The following PARP4 variants were observed in gnomAD, a reference collection of about 807,000 sequenced individuals.
PARP4 encodes the protein poly(ADP-ribose) polymerase family member 4, also known as protein mono-ADP-ribosyltransferase PARP4.
A neutral mutation model predicts 187.7 loss-of-function variants in PARP4; 120 were observed. The observed-to-expected ratio is 0.64, with a 90% CI of 0.55 to 0.74. The LOEUF (loss-of-function observed/expected upper bound fraction) is 0.74, where lower values mean the gene tolerates loss of function less well. Among genes scored for constraint, PARP4 ranks in the 30% least tolerant of loss-of-function variants. The probability of loss-of-function intolerance (pLI) is 0.00; values close to 1 mark genes in which losing one functional copy is unlikely to be tolerated. For missense variants in PARP4, 1,836 were observed against 2,070.5 expected (o/e 0.89, Z 2.20); for synonymous variants, 654 against 740.9 (o/e 0.88, Z 1.90).
chr13:24,433,004 G>A (rs1328495777), intron 31 of PARP4, among the ~76,000 whole-genome samples: 59 of 152,154 alleles, frequency 3.9e-4, no homozygotes, highest in Non-Finnish European at 5.9e-5. Context: ...GTGGTACCAG[G>A]TGCTGTTCTT....
chr13:24,506,218 G>A (rs780196983), intron 1 of PARP4, among the ~76,000 whole-genome samples: 4 of 151,670 alleles, frequency 2.6e-5, no homozygotes, highest in African/African-American at 9.7e-5. Flanking sequence ...AGTTCTTTAA[G>A]GCGGCGCATC....
intron 28 of PARP4, among the ~76,000 whole-genome samples, chr13:24,443,269 G>A (rs889283545): frequency 9.3e-5 from 14 of 151,284 alleles, no homozygotes; most frequent in African/African-American, 3.4e-4. Context: ...GGTGGGCTTT[G>A]GCAGGTCACT....
intron 25 of PARP4, among the ~76,000 whole-genome samples, chr13:24,449,348 A>C (rs1871383727): frequency 7.0e-6 from 1 of 143,846 alleles, no homozygotes; most frequent in African/African-American, 2.6e-5. Context: ...AGATGGCGCC[A>C]CTGCACTCCA....
At chr13:24,505,792 C>G (rs79285527) in intron 1 of PARP4, among the ~76,000 whole-genome samples, 1 of 152,206 alleles carries the variant, frequency 6.6e-6, no homozygotes, top group South Asian at 2.1e-4. Context: ...ACAGGCTCCC[C>G]GCAAAGTAAG....
chr13:24,474,190 T>A (rs1306275763), intron 15 of PARP4, among the ~76,000 whole-genome samples: 1 of 152,194 alleles, frequency 6.6e-6, no homozygotes, highest in Non-Finnish European at 1.5e-5. Flanking sequence ...GTCTTTCTCT[T>A]GTGTCCCGTC....
rs35815244 is a variant in PARP4 at position 24,427,370 on chromosome 13, C to CTT, written c.4847-774_4847-773dup. Among the ~76,000 whole-genome samples the CTT allele has an allele frequency of 9.4e-3, 1,248 of 133,342 alleles. 22 individuals are homozygous for CTT. The highest frequency in any genetic ancestry group is 0.028 in the South Asian group (122 of 4,416). 87.5% of individuals were successfully genotyped at this position (133,342 alleles called of 152,430 possible). Reference sequence around the variant, plus strand: ...ATTTTCATTTTAAAAATCCAAGCTTCTTTTTTTTTTTTTTTTTGGAGAAGA... The same window carrying CTT: ...ATTTTCATTTTAAAAATCCAAGCTTCTTTTTTTTTTTTTTTTTTTGGAGAAGA... On this transcript the variant is annotated intron_variant, in intron 32 of 33. Transcript: ENST00000381989.
chr13:24,423,809 G>A (rs1869882234), intron 33 of PARP4, among the ~76,000 whole-genome samples: 1 of 151,926 alleles, frequency 6.6e-6, no homozygotes, highest in African/African-American at 2.4e-5. Flanking sequence ...TTCCTGAGTA[G>A]TCACACACTA....
rs1868840599 is a variant in PARP4 at position 24,494,608 on chromosome 13, C to T, written c.706G>A (p.Glu236Lys). ...TGTTCAGATGCTAATTGGGTTGCTTCAGGTGTGAAATGTTCTCTTAGTAGA... is the reference window on the plus strand; with the variant it reads ...TGTTCAGATGCTAATTGGGTTGCTTTAGGTGTGAAATGTTCTCTTAGTAGA... ...GFLLREHFTPEATQLASEQLQ... is the reference protein window; with the variant it reads ...GFLLREHFTPKATQLASEQLQ... The change falls in exon 7 of 34, where the codon GAA becomes AAA. Residue 236 changes from glutamate to lysine, a missense_variant. Coordinates refer to ENST00000381989, the MANE Select transcript of PARP4 (RefSeq NM_006437.4). The T allele has an allele frequency of 3.7e-6, 6 of 1,611,276 alleles. No individual in the cohort carries two copies. The South Asian group carries it at 4.4e-5, about 12-fold the overall frequency.
chr13:24,480,559 G>C (rs973973017), intron 12 of PARP4, among the ~76,000 whole-genome samples: 3 of 152,210 alleles, frequency 2.0e-5, no homozygotes, highest in Admixed American at 6.5e-5. Context: ...AATTAAAAGT[G>C]CTGCTCCAGT....
Position 24,435,427 on chromosome 13 carries a change from T to A in PARP4, c.3714A>T (p.Arg1238=). 1 of 1,610,440 alleles carries A rather than the reference T, an allele frequency of 6.2e-7. No individual in the cohort carries two copies. Among genetic ancestry groups the A allele is most frequent in the Non-Finnish European group, 8.5e-7 (1 of 1,179,384 alleles). Residue 1238 remains arginine (R), a synonymous_variant, in exon 31 of 34, where the codon CGA becomes CGT. Transcript: ENST00000381989. ...SEWPELRLSK[R]KHRKIPFSKR... is the part of the protein sequence containing the mutation. ...TGGAAAATGGAATTTTCCTATGTTT[T>A]CGTTTGGATAAACGTAATTCTGGCC...
chr13:24,492,361 A>G (rs1428243316), intron 9 of PARP4, 60 bp downstream of exon 9: 6 of 1,228,708 alleles, frequency 4.9e-6, no homozygotes, highest in Non-Finnish European at 5.7e-6. Context: ...TCAGATTTCT[A>G]AAGACCCCCA....
At chr13:24,474,119 AGT>A (rs1397737755) in intron 15 of PARP4, among the ~76,000 whole-genome samples, 1 of 152,116 alleles carries the variant, frequency 6.6e-6, no homozygotes, top group Non-Finnish European at 1.5e-5. Context: ...CATTCTAGTA[AGT>A]GCAAACATGA....
At chr13:24,482,374 G>A (rs1754061927) in intron 12 of PARP4, among the ~76,000 whole-genome samples, 1 of 152,198 alleles carries the variant, frequency 6.6e-6, no homozygotes, top group South Asian at 2.1e-4. Flanking sequence ...AATTTTCAAG[G>A]AAGTTCTACT....
intron 14 of PARP4, among the ~76,000 whole-genome samples, chr13:24,477,483 A>G (rs1400269488): frequency 6.6e-6 from 1 of 152,074 alleles, no homozygotes; most frequent in Non-Finnish European, 1.5e-5. Context: ...TATATATTTT[A>G]AAATTAAGTG....
At chr13:24,459,533 A>ACACT in intron 18 of PARP4, 1 of 239,636 alleles carries the variant, frequency 4.2e-6, no homozygotes. Flanking sequence ...CTGTGTGTAT[A>ACACT]CACACACACA....
Position 24,475,513 on chromosome 13 carries a change from C to T in PARP4, c.1873G>A (p.Asp625Asn), listed in dbSNP as rs1289175437. 3 of 1,613,988 alleles carry T rather than the reference C, an allele frequency of 1.9e-6. No homozygotes were observed. Among genetic ancestry groups the T allele is most frequent in the African/African-American group, 2.7e-5 (2 of 74,938 alleles). ...DASGNLVPLE[D>N]VHIKGRIIDT... Reference sequence around the variant, plus strand: ...ATGATTCTCCCTTTGATGTGGACATCCTCCAGAGGAACCAAGTTCCCAGAG... The same window carrying T: ...ATGATTCTCCCTTTGATGTGGACATTCTCCAGAGGAACCAAGTTCCCAGAG... Residue 625 changes from aspartate (D) to asparagine (N), a missense_variant, in exon 15 of 34, where the codon GAT (aspartate) becomes AAT (asparagine). Asp to Asn is a conservative substitution (Grantham distance 23). Coordinates refer to ENST00000381989, the MANE Select transcript of PARP4 (RefSeq NM_006437.4).
chr13:24,474,366 G>A (rs9553316), intron 15 of PARP4, among the ~76,000 whole-genome samples: 18,924 of 69,530 alleles, frequency 0.27, 2,042 homozygotes, highest in South Asian at 0.33. Flanking sequence ...CCCCTTCAGG[G>A]CTGAGACTGC....
chr13:24,498,216 C>A lies in PARP4; in HGVS notation c.491G>T (p.Gly164Val). The change falls in exon 6 of 34, where the codon GGA becomes GTA. Residue 164 changes from glycine to valine, a missense_variant. Coordinates refer to ENST00000381989, the MANE Select transcript of PARP4 (RefSeq NM_006437.4). ...CTCCACCACCACAGCTTCCTGGCCT[C>A]CCTCCATTCCCACCTGGAAAACAGG... ...YNTLEKVGME[G>V]GQEAVVVELQ... 6.2e-7 allele frequency: 1 copy of A among 1,612,174 alleles called. No individual in the cohort carries two copies. The highest frequency in any genetic ancestry group is 8.5e-7 in the Non-Finnish European group (1 of 1,179,268).
intron 3 of PARP4, among the ~76,000 whole-genome samples, chr13:24,501,012 T>G (rs9578752): frequency 0.012 from 1,873 of 152,296 alleles, 47 homozygotes; most frequent in African/African-American, 0.042. Context: ...TAACTATCAT[T>G]TGCTGGGACA....
Sources: gnomAD v4.1 joint callset for allele counts (sites outside exome capture counted in the v4.1 genomes callset) on GRCh38, gnomAD v4.1.1 for gene constraint, MANE v1.5 for transcripts, NCBI Gene and HGNC (gene_info 2026-07-23, HGNC 2026-07-21) for gene names.